The following VTI1A variants were observed in gnomAD, a reference collection of about 807,000 sequenced individuals.
VTI1A encodes the protein vesicle transport through interaction with t-SNAREs 1A, also known as vesicle transport through interaction with t-SNAREs homolog 1A.
VTI1A carries 22 observed loss-of-function variants against 34.9 expected under a neutral mutation model. The ratio of observed to expected loss-of-function variants is 0.63; its 90% confidence interval spans 0.45 to 0.90. VTI1A has a LOEUF of 0.90. Ranked by LOEUF, VTI1A falls within the 40% of genes least tolerant of loss-of-function variation. VTI1A has a pLI of 0.00. For missense variants in VTI1A, 268 were observed against 275.6 expected, an observed-to-expected ratio of 0.97 and a Z score of 0.20; for synonymous variants, 87 against 97.3, an observed-to-expected ratio of 0.89 and a Z score of 0.62.
chr10:112,452,184 A>G (rs1847263890), intron 1 of VTI1A, among the ~76,000 whole-genome samples: 1 of 152,160 alleles, frequency 6.6e-6, no homozygotes, highest in Non-Finnish European at 1.5e-5. Context: ...CTGCTTCATG[A>G]GCTGCTGGGC....
At chr10:112,584,752 T>C (rs1333404093) in intron 5 of VTI1A, among the ~76,000 whole-genome samples, 1 of 152,206 alleles carries the variant, frequency 6.6e-6, no homozygotes, top group Non-Finnish European at 1.5e-5. Context: ...GATAGAATTA[T>C]TGTCCCCATT....
chr10:112,606,225 A>G (rs1014639132), intron 5 of VTI1A, among the ~76,000 whole-genome samples: 1 of 151,926 alleles, frequency 6.6e-6, no homozygotes, highest in African/African-American at 2.4e-5. Context: ...GGGTTTCTCC[A>G]TGTTGGTCAG....
At chr10:112,503,797 A>G (rs184850301) in intron 3 of VTI1A, among the ~76,000 whole-genome samples, 2 of 152,270 alleles carry the variant, frequency 1.3e-5, no homozygotes, top group East Asian at 1.9e-4. Flanking sequence ...ATTAGTTACC[A>G]TTTCTTATTT....
chr10:112,601,133 G>T (rs2134470655), intron 5 of VTI1A, among the ~76,000 whole-genome samples: 1 of 152,270 alleles, frequency 6.6e-6, no homozygotes, highest in South Asian at 2.1e-4. Context: ...TGGGGAGTGG[G>T]AGAGGTCATC....
At chr10:112,714,323 C>A (rs931041710) in intron 7 of VTI1A, among the ~76,000 whole-genome samples, 3 of 152,116 alleles carry the variant, frequency 2.0e-5, no homozygotes, top group Non-Finnish European at 2.9e-5. Context: ...ATGCCTTTCC[C>A]CTGCTTTAGT....
intron 7 of VTI1A, among the ~76,000 whole-genome samples, chr10:112,693,598 G>T (rs914161923): frequency 1.2e-4 from 19 of 152,202 alleles, no homozygotes; most frequent in African/African-American, 4.6e-4. Context: ...TCTGACACAA[G>T]GCTCAAGGCA....
chr10:112,819,682 C>G (rs1853616211), downstream of VTI1A, among the ~76,000 whole-genome samples: 1 of 152,118 alleles, frequency 6.6e-6, no homozygotes, highest in Non-Finnish European at 1.5e-5. Flanking sequence ...TGGTGAATGG[C>G]TCTTCTTTTC....
intron 7 of VTI1A, among the ~76,000 whole-genome samples, chr10:112,734,716 G>A (rs551608390): frequency 3.3e-5 from 5 of 150,340 alleles, no homozygotes; most frequent in South Asian, 4.2e-4. Context: ...GCAGTGGCGC[G>A]ATCTCGGCTC....
At chr10:112,752,551 G>A (rs1379193009) in intron 7 of VTI1A, 2 of 985,298 alleles carry the variant, frequency 2.0e-6, no homozygotes, top group East Asian at 2.3e-4. Flanking sequence ...TTCTCCTTCA[G>A]GGGGAACATG....
intron 3 of VTI1A, among the ~76,000 whole-genome samples, chr10:112,517,737 C>A (rs1005561151): frequency 9.2e-5 from 14 of 151,972 alleles, no homozygotes; most frequent in Non-Finnish European, 1.5e-5. Flanking sequence ...AAATATCAGG[C>A]AAATCCTAAT....
chr10:112,599,325 G>C (rs887503707), intron 5 of VTI1A, among the ~76,000 whole-genome samples: 1 of 152,170 alleles, frequency 6.6e-6, no homozygotes, highest in African/African-American at 2.4e-5. Flanking sequence ...TGTGGTGTTG[G>C]GTAGATATGG....
intron 7 of VTI1A, among the ~76,000 whole-genome samples, chr10:112,717,107 C>T (rs1293794553): frequency 1.3e-5 from 2 of 152,180 alleles, no homozygotes; most frequent in Admixed American, 6.5e-5. Flanking sequence ...GAGATTCCAC[C>T]GAAGGGACAT....
chr10:112,593,072 G>A (rs925906418), intron 5 of VTI1A, among the ~76,000 whole-genome samples: 1 of 152,220 alleles, frequency 6.6e-6, no homozygotes, highest in African/African-American at 2.4e-5. Flanking sequence ...TACCAAAAGC[G>A]AGGATGATCT....
chr10:112,619,485 C>A (rs1845646192), intron 5 of VTI1A, among the ~76,000 whole-genome samples: 1 of 152,148 alleles, frequency 6.6e-6, no homozygotes, highest in Admixed American at 6.5e-5. Context: ...TCCAACAGCT[C>A]CTCTTTGAAC....
In VTI1A at chr10:112,456,227, C is replaced by A. The variant is rs116054793; in HGVS notation, c.95-4297C>A. Among the ~76,000 whole-genome samples the A allele has an allele frequency of 7.7e-3, 1,168 of 152,014 alleles. 11 individuals carry two copies. The highest frequency in any genetic ancestry group is 0.027 in the African/African-American group (1,133 of 41,448). ...CTTGAGGTCAGGAGTTTGAGATGAC[C>A]CTGACCAACATGGTGAAACCTCATT... On this transcript the variant is annotated intron_variant, in intron 1 of 7. Coordinates refer to ENST00000393077, the MANE Select transcript of VTI1A (RefSeq NM_145206.4).
intron 7 of VTI1A, among the ~76,000 whole-genome samples, chr10:112,696,183 A>C (rs2133889711): frequency 6.6e-6 from 1 of 151,922 alleles, no homozygotes; most frequent in South Asian, 2.1e-4. Context: ...AGAGCTACTT[A>C]TCTTATTCTA....
intron 7 of VTI1A, among the ~76,000 whole-genome samples, chr10:112,773,100 G>T (rs987788361): frequency 1.3e-4 from 20 of 152,298 alleles, no homozygotes; most frequent in African/African-American, 4.8e-4. Flanking sequence ...GGCCTTTTGG[G>T]TAGAAGTAGG....
chr10:112,684,566 G>A (rs1413890796), intron 7 of VTI1A, among the ~76,000 whole-genome samples: 1 of 150,844 alleles, frequency 6.6e-6, no homozygotes, highest in Non-Finnish European at 1.5e-5. Context: ...AGCCTCCTAA[G>A]TAGCTGGGAT....
intron 7 of VTI1A, among the ~76,000 whole-genome samples, chr10:112,690,042 T>C (rs1489852251): frequency 6.6e-6 from 1 of 152,240 alleles, no homozygotes; most frequent in Admixed American, 6.5e-5. Context: ...ATATGACTTC[T>C]TTCATTTGCA....
Sources: allele counts gnomAD v4.1 joint callset (sites outside exome capture counted in the v4.1 genomes callset), GRCh38; gene constraint gnomAD v4.1.1; transcripts MANE v1.5; gene names NCBI Gene and HGNC (gene_info 2026-07-23, HGNC 2026-07-21).